The following RTKN2 variants were observed in gnomAD, a reference collection of about 807,000 sequenced individuals.
RTKN2 encodes the protein rhotekin 2.
Under a neutral mutation model 71.5 loss-of-function variants are expected in RTKN2, and 69 were observed. The ratio of observed to expected loss-of-function variants is 0.96; its 90% CI spans 0.79 to 1.18. The LOEUF (loss-of-function observed/expected upper bound fraction) is 1.18. Ranked by LOEUF, RTKN2 falls within the 50% of genes most tolerant of loss-of-function variation. The probability of loss-of-function intolerance (pLI) is 0.00; values close to 1 mark genes in which losing one functional copy is unlikely to be tolerated. For synonymous variants in RTKN2, 236 were observed against 236.5 expected (o/e 1.00, Z 0.02); for missense variants, 724 against 719.7 (o/e 1.01, Z -0.07).
intron 6 of RTKN2, among the ~76,000 whole-genome samples, chr10:62,231,907 T>C (rs1842156745): frequency 6.6e-6 from 1 of 152,194 alleles, no homozygotes; most frequent in South Asian, 2.1e-4. Context: ...TTTAAACTCC[T>C]ACCATGGTGC....
At chr10:62,235,037 A>G (rs1842226591) in intron 6 of RTKN2, among the ~76,000 whole-genome samples, 1 of 152,162 alleles carries the variant, frequency 6.6e-6, no homozygotes, top group Non-Finnish European at 1.5e-5. Context: ...CCAGAAAAAA[A>G]TGTAAAAAAA....
intron 6 of RTKN2, among the ~76,000 whole-genome samples, chr10:62,227,192 T>C (rs1465038185): frequency 6.6e-6 from 1 of 152,210 alleles, no homozygotes; most frequent in Admixed American, 6.5e-5. Context: ...AACATACATT[T>C]ATATATTTAT....
At chr10:62,263,333 GGC>G (rs775253959) in intron 1 of RTKN2, among the ~76,000 whole-genome samples, 45 of 152,160 alleles carry the variant, frequency 3.0e-4, no homozygotes, top group Non-Finnish European at 2.5e-4. Context: ...AAGGATTGAT[GGC>G]AACAATCAGA....
At chr10:62,191,690 C>A (rs376002578), downstream of RTKN2, among the ~76,000 whole-genome samples, 1 of 152,142 alleles carries the variant, frequency 6.6e-6, no homozygotes, top group Non-Finnish European at 1.5e-5. Flanking sequence ...CCGGAATTCA[C>A]GTGAGCTTAA....
rs1841303753 is a variant in RTKN2, at chr10:62,195,457, T to C, written c.*2451A>G. ...GCTTAACTATTTTTAGATTTTTTTT[T>C]TAAACTGTAAAGGAAGGGAGGAAGG... On this transcript the variant is annotated 3_prime_UTR_variant, in exon 12 of 12. Transcript: ENST00000373789. The C allele has an allele frequency of 1.0e-6, 1 of 975,798 alleles. No homozygotes were observed. Among genetic ancestry groups the C allele is most frequent in the Non-Finnish European group, 1.2e-6 (1 of 821,442 alleles). 60.4% of individuals were successfully genotyped at this position (975,798 alleles called of 1,614,324 possible).
At chr10:62,184,387 T>A (rs912079354) in exon 9 of RTKN2, 2 of 1,530,080 alleles carry the variant, frequency 1.3e-6, no homozygotes, top group Non-Finnish European at 1.8e-6. Context: ...TTACTATTAT[T>A]CTGAAAAACA....
In RTKN2 at chr10:62,220,811, T is replaced by C. The variant is rs565674615; in HGVS notation, c.781+2427A>G. On this transcript the variant is annotated intron_variant, in intron 7 of 11. Coordinates refer to ENST00000373789, the MANE Select transcript of RTKN2 (RefSeq NM_145307.4). The stretch of plus-strand genomic sequence containing the variant: ...AAAATAAATAAAAAGATTACACTCA[T>C]AGTGGTGACATACTGGCAAATGATT... 7.9e-5 allele frequency among the ~76,000 whole-genome samples: 12 copies of C among 152,144 alleles called. 1 individual carries two copies. The East Asian group carries it at 2.3e-3, about 29-fold the overall frequency.
chr10:62,246,061 T>C lies in RTKN2; in HGVS notation c.258-4A>G. On this transcript the variant is annotated splice_region_variant and splice_polypyrimidine_tract_variant and intron_variant, in intron 2 of 11. Coordinates refer to ENST00000373789, the MANE Select transcript of RTKN2 (RefSeq NM_145307.4). ...TTTACTTTCAAATTTCACATCACTGTCAAAACAAAAAAACTTATGGAAAAA... is the reference window on the plus strand; with the variant it reads ...TTTACTTTCAAATTTCACATCACTGCCAAAACAAAAAAACTTATGGAAAAA... 6.4e-7 allele frequency: 1 copy of C among 1,574,242 alleles called. No homozygotes were observed. The highest frequency in any genetic ancestry group is 1.2e-5 in the South Asian group (1 of 85,850).
chr10:62,257,499 G>A (rs926009096), intron 2 of RTKN2, among the ~76,000 whole-genome samples: 1 of 152,200 alleles, frequency 6.6e-6, no homozygotes, highest in African/African-American at 2.4e-5. Flanking sequence ...GTTTTATCAA[G>A]TGAGAATGAA....
intron 2 of RTKN2, among the ~76,000 whole-genome samples, chr10:62,249,899 T>C (rs1481825274): frequency 6.6e-6 from 1 of 152,210 alleles, no homozygotes; most frequent in African/African-American, 2.4e-5. Flanking sequence ...GTTAAAGTGA[T>C]CAGGGAATGA....
chr10:62,235,254 C>A (rs1034816642), intron 6 of RTKN2, among the ~76,000 whole-genome samples: 10 of 151,896 alleles, frequency 6.6e-5, no homozygotes, highest in Non-Finnish European at 1.0e-4. Context: ...CAGAATTGGG[C>A]AATATGAATA....
intron 8 of RTKN2, among the ~76,000 whole-genome samples, chr10:62,186,980 G>A (rs1458541119): frequency 6.6e-6 from 1 of 152,184 alleles, no homozygotes; most frequent in Non-Finnish European, 1.5e-5. Flanking sequence ...GTGTTGATAA[G>A]ACTTGTGGTT....
intron 6 of RTKN2, among the ~76,000 whole-genome samples, chr10:62,235,665 GGT>G (rs549300762): frequency 0.012 from 936 of 75,430 alleles, 16 homozygotes; most frequent in Non-Finnish European, 0.01. Flanking sequence ...ATATGTATAA[GGT>G]GTGTGTGTGT....
chr10:62,201,559 T>C (rs577875697), intron 10 of RTKN2, among the ~76,000 whole-genome samples: 229 of 152,232 alleles, frequency 1.5e-3, no homozygotes, highest in Non-Finnish European at 2.8e-3. Flanking sequence ...CCAGTTTTTT[T>C]CTTCTTAGGG....
chr10:62,236,210 G>T lies in RTKN2; in HGVS notation c.542C>A (p.Thr181Lys), dbSNP rs1455830593. The T allele has an allele frequency of 6.2e-7, 1 of 1,610,612 alleles. No homozygotes were observed. Among genetic ancestry groups the T allele is most frequent in the East Asian group, 2.2e-5 (1 of 44,732 alleles). ...TGTGTTGGTTATAGAAGATTCTTCT[G>T]TACAGCAACTATACACTTCCACCTT... ...QIKVEVYSCCTEESSITNTPK... is the reference protein window; with the variant it reads ...QIKVEVYSCCKEESSITNTPK... Residue 181 changes from threonine to lysine, a missense_variant, in exon 6 of 12, where the codon ACA (threonine) becomes AAA (lysine). Thr to Lys is a moderately conservative substitution (Grantham distance 78, BLOSUM62 -1). Coordinates refer to ENST00000373789, the MANE Select transcript of RTKN2 (RefSeq NM_145307.4).
intron 2 of RTKN2, 93 bp downstream of exon 2, chr10:62,262,532 G>T: frequency 1.2e-6 from 1 of 830,536 alleles, no homozygotes; most frequent in Non-Finnish European, 1.9e-6. Flanking sequence ...ACAGTTTGGT[G>T]ATTTGACATT....
At chr10:62,208,151 T>A (rs1841584949) in intron 9 of RTKN2, among the ~76,000 whole-genome samples, 2 of 152,064 alleles carry the variant, frequency 1.3e-5, no homozygotes, top group South Asian at 4.1e-4. Flanking sequence ...CACAGGAAAG[T>A]TTCATTTAGG....
Position 62,258,399 on chromosome 10 carries a change from T to G in RTKN2, c.257+4226A>C, listed in dbSNP as rs74156146. Among the ~76,000 whole-genome samples the G allele has an allele frequency of 6.1e-3, 933 of 152,316 alleles. 7 individuals are homozygous for G. Among genetic ancestry groups the G allele is most frequent in the African/African-American group, 0.021 (889 of 41,574 alleles). ...AGAATGATTATGTACAGAGAGCACT[T>G]TGAGTGAAGATCTATTAGAAAAGCC... On this transcript the variant is annotated intron_variant, in intron 2 of 11. Transcript: ENST00000373789.
At chr10:62,246,093 T>G (rs1589376580) in intron 2 of RTKN2, 36 bp from the exon 3 acceptor site, 1 of 1,344,454 alleles carries the variant, frequency 7.4e-7, no homozygotes, top group Non-Finnish European at 1.0e-6. Flanking sequence ...AAAAAGATCT[T>G]TTCTAATAAG....
Sources: allele counts gnomAD v4.1 joint callset (sites outside exome capture counted in the v4.1 genomes callset), GRCh38; gene constraint gnomAD v4.1.1; transcripts MANE v1.5; gene names NCBI Gene and HGNC (gene_info 2026-07-23, HGNC 2026-07-21).